The following ST8SIA5 variants were observed in gnomAD, a reference collection of about 807,000 sequenced individuals.
ST8SIA5 encodes ST8 alpha-N-acetyl-neuraminide alpha-2,8-sialyltransferase 5.
ST8SIA5 carries 24 observed loss-of-function variants against 40.2 expected under a neutral mutation model. The observed-to-expected ratio is 0.60, with a 90% CI of 0.43 to 0.84. The LOEUF is 0.84. Ranked by LOEUF, ST8SIA5 falls within the 40% of genes least tolerant of loss-of-function variation. The probability of loss-of-function intolerance (pLI) is 0.00; values close to 1 mark genes in which losing one functional copy is unlikely to be tolerated. For missense variants in ST8SIA5, 465 were observed against 498.5 expected (o/e 0.93, Z 0.64); for synonymous variants, 198 against 201.8 (o/e 0.98, Z 0.16).
chr18:46,702,423 G>A (rs1170746802), intron 2 of ST8SIA5, among the ~76,000 whole-genome samples: 2 of 152,130 alleles, frequency 1.3e-5, no homozygotes, highest in Non-Finnish European at 2.9e-5. Context: ...CATGGCCCTT[G>A]GATAAAGGTA....
chr18:46,692,721 A>G (rs1031958642), intron 2 of ST8SIA5, among the ~76,000 whole-genome samples: 16 of 151,720 alleles, frequency 1.1e-4, no homozygotes, highest in African/African-American at 3.6e-4. Flanking sequence ...CTTATTTTCT[A>G]TATTCCTGAT....
In ST8SIA5 at chr18:46,672,543, T is replaced by A. The variant is rs2039314962; in HGVS notation, c.*7499A>T. On this transcript the variant is annotated 3_prime_UTR_variant, in exon 7 of 7. Transcript: ENST00000315087. ...CATCTTCAACTGAAGAGAGAGTCAC[T>A]GATTTCTGGCTTTTGTGGCCAACAG... 6.6e-6 allele frequency: 1 copy of A among 152,126 alleles called. No homozygotes were observed. The highest frequency in any genetic ancestry group is 2.4e-5 in the African/African-American group (1 of 41,412). 9.4% of individuals were successfully genotyped at this position (152,126 alleles called of 1,614,324 possible). A position where few individuals can be genotyped will look rare whatever the true frequency, so the allele number is the denominator to read the frequency against.
At chr18:46,690,613 C>CTTTTTT (rs34766517) in intron 3 of ST8SIA5, among the ~76,000 whole-genome samples, 5 of 117,006 alleles carry the variant, frequency 4.3e-5, no homozygotes, top group African/African-American at 1.0e-4. Flanking sequence ...GCTGCTGAGA[C>CTTTTTT]TTTTTTTTTT....
Position 46,680,259 on chromosome 18 carries a change from A to G in ST8SIA5, c.914T>C (p.Leu305Pro), listed in dbSNP as rs751624381. ...ACAGAGCTCCAGCGCCGCAGTGACC[A>G]GAATGAGGCCGGTGCTGATGCGCTT... Reference protein sequence around the residue: ...RAKRISTGLILVTAALELCEE... With the variant: ...RAKRISTGLIPVTAALELCEE... The change falls in exon 7 of 7, where the codon CTG becomes CCG. Residue 305 changes from leucine to proline, a missense_variant. Physicochemically the swap from Leu to Pro is moderately conservative, Grantham distance 98. Coordinates refer to ENST00000315087, the MANE Select transcript of ST8SIA5 (RefSeq NM_013305.6). 1.2e-6 allele frequency: 2 copies of G among 1,614,130 alleles called. No homozygotes were observed. The highest frequency in any genetic ancestry group is 1.3e-5 in the African/African-American group (1 of 74,946).
intron 1 of ST8SIA5, among the ~76,000 whole-genome samples, chr18:46,751,030 T>A (rs945719464): frequency 6.6e-6 from 1 of 152,202 alleles, no homozygotes; most frequent in African/African-American, 2.4e-5. Flanking sequence ...CAGTTGAATG[T>A]CATTAAGTTC....
At chr18:46,730,622 C>T (rs1263211995) in intron 1 of ST8SIA5, among the ~76,000 whole-genome samples, 1 of 152,064 alleles carries the variant, frequency 6.6e-6, no homozygotes, top group African/African-American at 2.4e-5. Context: ...AGCTTGAGCT[C>T]AGGAGTTTGA....
Position 46,671,327 on chromosome 18 carries a change from T to C in ST8SIA5, c.*8715A>G, listed in dbSNP as rs1020615067. The C allele has an allele frequency of 2.0e-5, 3 of 152,158 alleles. No individual in the cohort carries two copies. The highest frequency in any genetic ancestry group is 7.2e-5 in the African/African-American group (3 of 41,420). The allele number at this position is 152,158 out of a possible 1,614,324, so 9.4% of individuals were successfully genotyped here. A position where few individuals can be genotyped will look rare whatever the true frequency, so the allele number is the denominator to read the frequency against. ...TTCAGCTCAAGCCTGTTCCAAAGTA[T>C]GATAGAAAAGGAAATGCATAAAGAA... On this transcript the variant is annotated 3_prime_UTR_variant, in exon 7 of 7. Coordinates refer to ENST00000315087, the MANE Select transcript of ST8SIA5 (RefSeq NM_013305.6).
chr18:46,725,994 T>TATATATATCCTGG (rs2039921656), intron 1 of ST8SIA5, among the ~76,000 whole-genome samples: 1 of 69,012 alleles, frequency 1.4e-5, no homozygotes, highest in African/African-American at 5.2e-5. Flanking sequence ...TATATATATA[T>TATATATATCCTGG]ATATATATAT....
chr18:46,750,409 G>A (rs1427831438), intron 1 of ST8SIA5, among the ~76,000 whole-genome samples: 1 of 152,072 alleles, frequency 6.6e-6, no homozygotes, highest in Non-Finnish European at 1.5e-5. Flanking sequence ...AAAAGAAGAC[G>A]GAACAATTTC....
At chr18:46,734,389 C>T (rs570930490) in intron 1 of ST8SIA5, among the ~76,000 whole-genome samples, 50 of 151,996 alleles carry the variant, frequency 3.3e-4, no homozygotes, top group African/African-American at 1.0e-3. Flanking sequence ...ACCCCTAGGC[C>T]GTTCCCCACC....
At chr18:46,711,702 T>C (rs1013078438) in intron 1 of ST8SIA5, among the ~76,000 whole-genome samples, 3 of 152,192 alleles carry the variant, frequency 2.0e-5, no homozygotes, top group African/African-American at 7.2e-5. Context: ...TGAAGTGTCT[T>C]CCCAGATAGG....
chr18:46,720,801 C>T (rs1219900409), intron 1 of ST8SIA5, among the ~76,000 whole-genome samples: 1 of 152,132 alleles, frequency 6.6e-6, no homozygotes, highest in African/African-American at 2.4e-5. Context: ...GAGAATATTC[C>T]ATTTTTATTC....
At position 46,703,063 on chromosome 18, in the gene ST8SIA5, C is replaced by T. The variant is rs115482609; in HGVS notation, c.224+1509G>A. 4.2e-3 allele frequency among the ~76,000 whole-genome samples: 638 copies of T among 152,362 alleles called. 3 individuals are homozygous for T. The highest frequency in any genetic ancestry group is 0.015 in the African/African-American group (620 of 41,578). ...GAAAGGAAGGAAGGAAAGAGAGAGACGGGTGCTGACATTTATTGAACACCT... is the reference window on the plus strand; with the variant it reads ...GAAAGGAAGGAAGGAAAGAGAGAGATGGGTGCTGACATTTATTGAACACCT... On this transcript the variant is annotated intron_variant, in intron 2 of 6. Transcript: ENST00000315087.
intron 2 of ST8SIA5, among the ~76,000 whole-genome samples, chr18:46,696,828 G>C (rs913266691): frequency 6.6e-6 from 1 of 152,120 alleles, no homozygotes; most frequent in African/African-American, 2.4e-5. Context: ...AGAATGACAG[G>C]GAAGGGCATC....
intron 1 of ST8SIA5, among the ~76,000 whole-genome samples, chr18:46,755,892 A>G (rs956123575): frequency 3.9e-5 from 6 of 152,052 alleles, no homozygotes; most frequent in African/African-American, 1.4e-4. Flanking sequence ...CCCCCACCGA[A>G]CCCGAAGCTC....
rs1355834115 is a variant in ST8SIA5, at chr18:46,679,721, TG to T, written c.*320del. 1.1e-5 allele frequency: 4 copies of T among 356,832 alleles called. No individual in the cohort carries two copies. Among genetic ancestry groups the T allele is most frequent in the African/African-American group, 8.2e-5 (4 of 48,910 alleles). The allele number at this position is 356,832 out of a possible 1,614,324, so 22.1% of individuals were successfully genotyped here. The stretch of plus-strand genomic sequence containing the variant: ...CTCTCTCTCGGATGACAAAATTGGG[TG>T]GAAATGTGCTTTATTCACTTGCCGT... On this transcript the variant is annotated 3_prime_UTR_variant, in exon 7 of 7. Coordinates refer to ENST00000315087, the MANE Select transcript of ST8SIA5 (RefSeq NM_013305.6).
At position 46,741,667 on chromosome 18, in the gene ST8SIA5, A is replaced by G. The variant is rs547197046; in HGVS notation, c.131+14711T>C. On this transcript the variant is annotated intron_variant, in intron 1 of 6. Transcript: ENST00000315087. ...TCTCACATCATATAAAACAAATAAT[A>G]TACCATAAACAAGCTGGGTTTACCC... is the stretch of plus-strand genomic sequence containing the variant. 3.3e-5 allele frequency among the ~76,000 whole-genome samples: 5 copies of G among 152,364 alleles called. No individual in the cohort carries two copies. The East Asian group carries it at 9.6e-4, about 29-fold the overall frequency.
intron 4 of ST8SIA5, among the ~76,000 whole-genome samples, chr18:46,687,638 C>T (rs1476993538): frequency 6.6e-6 from 1 of 152,162 alleles, no homozygotes; most frequent in Non-Finnish European, 1.5e-5. Context: ...TGACGCCGCT[C>T]ACCTGCAGCT....
intron 1 of ST8SIA5, among the ~76,000 whole-genome samples, chr18:46,708,305 G>A (rs1367743443): frequency 6.6e-6 from 1 of 152,158 alleles, no homozygotes; most frequent in Non-Finnish European, 1.5e-5. Flanking sequence ...TCCTTCTGCT[G>A]TGATTAGTAA....
Sources: allele counts gnomAD v4.1 joint callset (sites outside exome capture counted in the v4.1 genomes callset), GRCh38; gene constraint gnomAD v4.1.1; transcripts MANE v1.5; gene names NCBI Gene and HGNC (gene_info 2026-07-23, HGNC 2026-07-21).